The following CD58 variants were observed in gnomAD, a reference collection of about 807,000 sequenced individuals.
CD58 encodes the protein CD58 molecule.
A neutral mutation model predicts 27.6 loss-of-function variants in CD58; 14 were observed. That is an observed-to-expected ratio of 0.51 (90% CI 0.34 to 0.79). The LOEUF (loss-of-function observed/expected upper bound fraction) is 0.79, where lower values mean the gene tolerates loss of function less well. Ranked by LOEUF, CD58 falls within the 30% of genes least tolerant of loss-of-function variation. CD58 has a pLI of 0.02. For missense variants in CD58, 268 were observed against 301.7 expected, an observed-to-expected ratio of 0.89 and a Z score of 0.83; for synonymous variants, 117 against 103.8, an observed-to-expected ratio of 1.13 and a Z score of -0.77.
intron 3 of CD58, among the ~76,000 whole-genome samples, chr1:116,535,309 GC>G (rs1657757332): frequency 6.6e-6 from 1 of 152,182 alleles, no homozygotes; most frequent in South Asian, 2.1e-4. Flanking sequence ...GAGCCAGATA[GC>G]CTCTACTCAA....
intron 1 of CD58, among the ~76,000 whole-genome samples, chr1:116,555,142 C>T (rs912471122): frequency 2.0e-5 from 3 of 152,102 alleles, no homozygotes; most frequent in South Asian, 4.2e-4. Flanking sequence ...ACTGTAGGGA[C>T]GCTAATAACC....
Position 116,519,149 on chromosome 1 carries a change from A to G in CD58, c.743+82T>C. The G allele has an allele frequency of 6.3e-7, 1 of 1,591,700 alleles. No individual in the cohort carries two copies. Among genetic ancestry groups the G allele is most frequent in the Non-Finnish European group, 8.6e-7 (1 of 1,166,662 alleles). ...TACAAGGCAACCAACAGATGAGTAC[A>G]ATCTGGCTTCCCAAGTAATGGGCAT... On this transcript the variant is annotated intron_variant, in intron 5 of 5. Coordinates refer to ENST00000369489, the MANE Select transcript of CD58 (RefSeq NM_001779.3). The surrounding 1 kb of genome is among the most constrained non-coding windows in gnomAD (Gnocchi z 4.7).
At chr1:116,565,891 T>G (rs1394230826) in intron 1 of CD58, among the ~76,000 whole-genome samples, 1 of 152,040 alleles carries the variant, frequency 6.6e-6, no homozygotes, top group African/African-American at 2.4e-5. Context: ...CAGCTAATTT[T>G]TTGTTTTAGT....
In CD58 at chr1:116,532,405, G is replaced by A. The variant is rs1366379661; in HGVS notation, c.628+3560C>T. 6.6e-6 allele frequency among the ~76,000 whole-genome samples: 1 copy of A among 152,254 alleles called. No individual in the cohort carries two copies. The highest frequency in any genetic ancestry group is 1.9e-4 in the East Asian group (1 of 5,176). On this transcript the variant is annotated intron_variant, in intron 3 of 5. Coordinates refer to ENST00000369489, the MANE Select transcript of CD58 (RefSeq NM_001779.3). The surrounding 1 kb of genome is among the most constrained non-coding windows in gnomAD (Gnocchi z 5.1). ...AAAAGCAACATCCTAAGGAGAATAC[G>A]GCCCTACTCTACACGGCCCTTCTGA... is the stretch of plus-strand genomic sequence containing the variant.
At position 116,521,025 on chromosome 1, in the gene CD58, T is replaced by G. The variant is rs1196734245; in HGVS notation, c.706+881A>C. ...CTAGCCAGATGTAGGTATTGAGCAC[T>G]TGAAAGGTGGTTAGTGTAACTGAGG... On this transcript the variant is annotated intron_variant, in intron 4 of 5. Transcript: ENST00000369489. This position sits in a 1 kb window ranked among gnomAD's most constrained non-coding sequence, Gnocchi z 5.6. Among the ~76,000 whole-genome samples, 2 of 152,240 alleles carry G rather than the reference T, an allele frequency of 1.3e-5. No homozygotes were observed. The highest frequency in any genetic ancestry group is 1.5e-5 in the Non-Finnish European group (1 of 68,044).
At chr1:116,535,796 G>A (rs1010000386) in intron 3 of CD58, among the ~76,000 whole-genome samples, 169 bp downstream of exon 3, 4 of 89,712 alleles carry the variant, frequency 4.5e-5, no homozygotes, top group African/African-American at 2.3e-4. Context: ...AGCCGAGATC[G>A]CGCCACTGCA....
intron 1 of CD58, among the ~76,000 whole-genome samples, chr1:116,568,604 G>A (rs1344137424): frequency 6.6e-6 from 1 of 152,148 alleles, no homozygotes; most frequent in Non-Finnish European, 1.5e-5. Flanking sequence ...ACAAAGGCAG[G>A]GAACTGTGCA....
chr1:116,526,145 T>A (rs912949035), intron 3 of CD58, among the ~76,000 whole-genome samples: 3 of 152,206 alleles, frequency 2.0e-5, no homozygotes, highest in Non-Finnish European at 4.4e-5. Context: ...AGTCTGTGGC[T>A]TGGCTTCTCA....
At chr1:116,535,011 GTC>G (rs1571068310) in intron 3 of CD58, among the ~76,000 whole-genome samples, 1 of 151,832 alleles carries the variant, frequency 6.6e-6, no homozygotes, top group African/African-American at 2.4e-5. Context: ...TACTATTTTC[GTC>G]TCTTTTATAT....
intron 1 of CD58, among the ~76,000 whole-genome samples, 200 bp from the exon 2 acceptor site, chr1:116,544,804 G>A (rs1190714755): frequency 6.6e-6 from 1 of 152,218 alleles, no homozygotes; most frequent in Non-Finnish European, 1.5e-5. Flanking sequence ...CGACATTCAT[G>A]GAGCACCAAC....
In CD58 at chr1:116,515,899, G is replaced by A. The variant is rs566516685; in HGVS notation, c.744-1077C>T. ...TCTGCTATCTACTCATCTGTCCTCTGTTGTTCCTAATTGGGTTTAGTTCTT... is the reference window on the plus strand; with the variant it reads ...TCTGCTATCTACTCATCTGTCCTCTATTGTTCCTAATTGGGTTTAGTTCTT... On this transcript the variant is annotated intron_variant, in intron 5 of 5. Transcript: ENST00000369489. This position sits in a 1 kb window ranked among gnomAD's most constrained non-coding sequence, Gnocchi z 4.6. 2.0e-5 allele frequency among the ~76,000 whole-genome samples: 3 copies of A among 152,248 alleles called. No homozygotes were observed. Among genetic ancestry groups the A allele is most frequent in the African/African-American group, 7.2e-5 (3 of 41,530 alleles).
rs143187590 is a variant in CD58, at chr1:116,548,848, T to C, written c.71-4244A>G. Among the ~76,000 whole-genome samples the C allele has an allele frequency of 5.1e-3, 781 of 152,342 alleles. 3 individuals are homozygous for C. Among genetic ancestry groups the C allele is most frequent in the African/African-American group, 0.017 (716 of 41,574 alleles). On this transcript the variant is annotated intron_variant, in intron 1 of 5. Transcript: ENST00000369489. ...AGGCAATTTTATTGAATGCTTACTC[T>C]CTGCTGGTTATATGTTCACATTGTC...
chr1:116,520,142 T>C (rs951101779), intron 4 of CD58, among the ~76,000 whole-genome samples: 5 of 152,244 alleles, frequency 3.3e-5, no homozygotes, highest in Admixed American at 1.3e-4. Context: ...TTGTTTGTTT[T>C]TTGAGACAGG....
Position 116,559,442 on chromosome 1 carries a change from T to G in CD58, c.70+11461A>C, listed in dbSNP as rs1470573307. 6.6e-6 allele frequency among the ~76,000 whole-genome samples: 1 copy of G among 152,234 alleles called. No individual in the cohort carries two copies. The highest frequency in any genetic ancestry group is 1.9e-4 in the East Asian group (1 of 5,202). On this transcript the variant is annotated intron_variant, in intron 1 of 5. Coordinates refer to ENST00000369489, the MANE Select transcript of CD58 (RefSeq NM_001779.3). The surrounding 1 kb of genome is among the most constrained non-coding windows in gnomAD (Gnocchi z 4.4). ...CAGTCGGCCCCAGAGCCTGCACTGTTGGCCAGAACATCAGATGCCTTGGTT... is the reference window on the plus strand; with the variant it reads ...CAGTCGGCCCCAGAGCCTGCACTGTGGGCCAGAACATCAGATGCCTTGGTT...
In CD58 at chr1:116,550,199, G is replaced by A. The variant is rs923668346; in HGVS notation, c.71-5595C>T. Among the ~76,000 whole-genome samples the A allele has an allele frequency of 2.0e-5, 3 of 152,182 alleles. No individual in the cohort carries two copies. Among genetic ancestry groups the A allele is most frequent in the African/African-American group, 7.2e-5 (3 of 41,446 alleles). ...AAAGAAGACAATGATGAGTTTTGCT[G>A]CATCAATGGACCCTTCCTTTCACAA... On this transcript the variant is annotated intron_variant, in intron 1 of 5. Coordinates refer to ENST00000369489, the MANE Select transcript of CD58 (RefSeq NM_001779.3). This position sits in a 1 kb window ranked among gnomAD's most constrained non-coding sequence, Gnocchi z 4.2.
At chr1:116,547,922 T>A (rs1321746804) in intron 1 of CD58, among the ~76,000 whole-genome samples, 1 of 152,244 alleles carries the variant, frequency 6.6e-6, no homozygotes, top group Non-Finnish European at 1.5e-5. Context: ...ACCAGCAGTG[T>A]ACAGGTGTTC....
rs889320826 is a variant in CD58 at position 116,522,643 on chromosome 1, T to C, written c.629-660A>G. ...TTAACTTGACTCTGTAGAACTAATA[T>C]GAATAACAAGATTCGACTATTTCTA... On this transcript the variant is annotated intron_variant, in intron 3 of 5. Coordinates refer to ENST00000369489, the MANE Select transcript of CD58 (RefSeq NM_001779.3). The surrounding 1 kb of genome is among the most constrained non-coding windows in gnomAD (Gnocchi z 4.6). 6.6e-6 allele frequency among the ~76,000 whole-genome samples: 1 copy of C among 152,214 alleles called. No individual in the cohort carries two copies. The highest frequency in any genetic ancestry group is 1.5e-5 in the Non-Finnish European group (1 of 68,026).
chr1:116,556,741 C>T (rs953700774), intron 1 of CD58, among the ~76,000 whole-genome samples: 4 of 152,142 alleles, frequency 2.6e-5, no homozygotes, highest in South Asian at 2.1e-4. Context: ...TGGCAAATGA[C>T]GCATTAGACG....
chr1:116,565,413 A>C (rs1658898106), intron 1 of CD58, among the ~76,000 whole-genome samples: 1 of 152,174 alleles, frequency 6.6e-6, no homozygotes, highest in South Asian at 2.1e-4. Context: ...CTTGTGGCCT[A>C]TCTCTCACTT....
Sources: gnomAD v4.1 joint callset for allele counts (sites outside exome capture counted in the v4.1 genomes callset) on GRCh38, gnomAD v4.1.1 for gene constraint, Gnocchi (gnomAD v3.1) non-coding constraint, MANE v1.5 for transcripts, NCBI Gene and HGNC (gene_info 2026-07-23, HGNC 2026-07-21) for gene names.